Variants in LAMTOR2 observed in about 807,000 individuals in gnomAD.
LAMTOR2 encodes the protein ragulator complex protein LAMTOR2.
A neutral mutation model predicts 15.8 loss-of-function variants in LAMTOR2; 4 were observed. That is an observed-to-expected ratio of 0.25 (90% CI 0.12 to 0.58). LAMTOR2 has a LOEUF of 0.58. LAMTOR2 is among the 20% of genes least tolerant of loss of function. The pLI is 0.91. For synonymous variants in LAMTOR2, 62 were observed against 64.1 expected (o/e 0.97, Z 0.15); for missense variants, 100 against 161.0 (o/e 0.62, Z 2.05).
intron 2 of LAMTOR2, among the ~76,000 whole-genome samples, chr1:156,056,178 A>T (rs991461963): frequency 2.0e-5 from 3 of 151,948 alleles, no homozygotes; most frequent in Non-Finnish European, 2.9e-5. Flanking sequence ...TAATTTTTGC[A>T]TTTTTCCAGA....
In LAMTOR2 at chr1:156,058,455, G is replaced by A. The variant is rs1455689215; in HGVS notation, c.*84G>A. On this transcript the variant is annotated 3_prime_UTR_variant, in exon 4 of 4. Transcript: ENST00000368305. Reference sequence around the variant, plus strand: ...TCCTAGAAGAACCTTCTTAGACAATGGGGGGAGGATGGGACTTTGTTTTTT... The same window carrying A: ...TCCTAGAAGAACCTTCTTAGACAATAGGGGGAGGATGGGACTTTGTTTTTT... 2.1e-6 allele frequency: 3 copies of A among 1,425,002 alleles called. No individual in the cohort carries two copies. Among genetic ancestry groups the A allele is most frequent in the Non-Finnish European group, 3.0e-6 (3 of 1,010,416 alleles). The allele number at this position is 1,425,002 out of a possible 1,614,324, so 88.3% of individuals were successfully genotyped here.
chr1:156,058,046 C>T lies in LAMTOR2; in HGVS notation c.300C>T (p.Gly100=). 2 of 1,614,162 alleles carry T rather than the reference C, an allele frequency of 1.2e-6. No individual in the cohort carries two copies. The highest frequency in any genetic ancestry group is 1.7e-6 in the Non-Finnish European group (2 of 1,180,020). ...GTATGTATGCCAAGGAGACCGTGGG[C>T]TTTGGAATGCTCAAGGCCAAGGTGT... ...LLCMYAKETV[G]FGMLKAKAQA... The change falls in exon 3 of 4, where the codon GGC becomes GGT. Residue 100 remains glycine (G), a synonymous_variant. Transcript: ENST00000368305.
In LAMTOR2 at chr1:156,055,062, G is replaced by A; in HGVS notation, c.68+105G>A. 7.0e-7 allele frequency: 1 copy of A among 1,424,906 alleles called. No individual in the cohort carries two copies. The highest frequency in any genetic ancestry group is 1.2e-5 in the South Asian group (1 of 85,962). 88.3% of individuals were successfully genotyped at this position (1,424,906 alleles called of 1,614,324 possible). ...ATCACCAGGAAGGGAGGAAGCGGCA[G>A]AGGGGGCAGCGGCTGGGGATACCGG... On this transcript the variant is annotated intron_variant, in intron 1 of 3. Coordinates refer to ENST00000368305, the MANE Select transcript of LAMTOR2 (RefSeq NM_014017.4). This position sits in a 1 kb window ranked among gnomAD's most constrained non-coding sequence, Gnocchi z 4.8.
At position 156,055,517 on chromosome 1, in the gene LAMTOR2, G is replaced by A; in HGVS notation, c.231+92G>A. The A allele has an allele frequency of 7.0e-7, 1 of 1,429,432 alleles. No individual in the cohort carries two copies. Among genetic ancestry groups the A allele is most frequent in the Non-Finnish European group, 9.8e-7 (1 of 1,016,888 alleles). The allele number at this position is 1,429,432 out of a possible 1,614,324, so 88.5% of individuals were successfully genotyped here. A position where few individuals can be genotyped will look rare whatever the true frequency, so the allele number is the denominator to read the frequency against. On this transcript the variant is annotated intron_variant, in intron 2 of 3. Coordinates refer to ENST00000368305, the MANE Select transcript of LAMTOR2 (RefSeq NM_014017.4). This position sits in a 1 kb window ranked among gnomAD's most constrained non-coding sequence, Gnocchi z 4.8. ...CATCCTGGATGGTTGGAGGGGCAGG[G>A]ACAGGATCTCCGGAAGATTACTAAG...
intron 2 of LAMTOR2, among the ~76,000 whole-genome samples, chr1:156,057,285 G>T (rs1223844857): frequency 6.6e-6 from 1 of 151,830 alleles, no homozygotes; most frequent in Non-Finnish European, 1.5e-5. Context: ...CTGAGGCCAG[G>T]AGTTCAAGAC....
chr1:156,056,623 G>T (rs1647379811), intron 2 of LAMTOR2, among the ~76,000 whole-genome samples: 1 of 152,172 alleles, frequency 6.6e-6, no homozygotes, highest in Non-Finnish European at 1.5e-5. Context: ...AGGTCAGAGA[G>T]GCAGGGAGTG....
rs1337097355 is a variant in LAMTOR2 at position 156,054,833 on chromosome 1, C to T, written c.-57C>T. The T allele has an allele frequency of 3.2e-6, 5 of 1,572,970 alleles. No homozygotes were observed. Among genetic ancestry groups the T allele is most frequent in the East Asian group, 2.3e-5 (1 of 43,952 alleles). On this transcript the variant is annotated 5_prime_UTR_variant, in exon 1 of 4. Transcript: ENST00000368305. ...ACTACGGGAAGCAGCGGGCAGCGGC[C>T]CGCGGGAGGCACCTCGGAGATCTGG... is the stretch of plus-strand genomic sequence containing the variant.
intron 2 of LAMTOR2, 96 bp from the exon 3 acceptor site, chr1:156,057,882 A>G: frequency 8.7e-7 from 1 of 1,144,428 alleles, no homozygotes; most frequent in Non-Finnish European, 1.3e-6. Context: ...CATGGGAGGA[A>G]GATATAGTCT....
chr1:156,055,089 C>G lies in LAMTOR2; in HGVS notation c.68+132C>G. The G allele has an allele frequency of 7.4e-7, 1 of 1,349,340 alleles. No individual in the cohort carries two copies. The highest frequency in any genetic ancestry group is 1.1e-6 in the Non-Finnish European group (1 of 946,962). 83.6% of individuals were successfully genotyped at this position (1,349,340 alleles called of 1,614,324 possible). A position where few individuals can be genotyped will look rare whatever the true frequency, so the allele number is the denominator to read the frequency against. ...GGGGGCAGCGGCTGGGGATACCGGC[C>G]GGGAGGTCCCCTGTCGAAAAGGGAA... On this transcript the variant is annotated intron_variant, in intron 1 of 3. Transcript: ENST00000368305. This position sits in a 1 kb window ranked among gnomAD's most constrained non-coding sequence, Gnocchi z 4.8.
intron 2 of LAMTOR2, among the ~76,000 whole-genome samples, chr1:156,056,857 C>T (rs1647386651): frequency 6.6e-6 from 1 of 152,072 alleles, no homozygotes; most frequent in Admixed American, 6.6e-5. Flanking sequence ...AGCTTTCAAA[C>T]GTTTTGACCA....
chr1:156,058,191 C>T (rs1367640123), intron 3 of LAMTOR2, 124 bp downstream of exon 3: 4 of 1,503,898 alleles, frequency 2.7e-6, no homozygotes, highest in Non-Finnish European at 3.7e-6. Context: ...CTGGTGTGGG[C>T]CAGCTCCCAA....
intron 2 of LAMTOR2, 69 bp from the exon 3 acceptor site, chr1:156,057,909 G>C: frequency 7.1e-7 from 1 of 1,416,118 alleles, no homozygotes; most frequent in Non-Finnish European, 1.0e-6. Context: ...GGCCAGAGAA[G>C]CCTTTGGGGA....
In LAMTOR2 at chr1:156,058,082, A is replaced by C. The variant is rs770837182; in HGVS notation, c.321+15A>C. On this transcript the variant is annotated intron_variant, in intron 3 of 3. Transcript: ENST00000368305. ...TCAAGGCCAAGGTGTGTATGTGCCC[A>C]TCCCTCCATAGCCCTGGGCCCAGCC... 14 of 1,612,440 alleles carry C rather than the reference A, an allele frequency of 8.7e-6. No homozygotes were observed. The highest frequency in any genetic ancestry group is 1.2e-5 in the Non-Finnish European group (14 of 1,178,476).
chr1:156,055,135 G>C lies in LAMTOR2; in HGVS notation c.69-128G>C, dbSNP rs1258331752. ...GGGAAGCCGGTGTGCTGGGTGCTTAGGGCATGTTCCGGGACACGCTCAGGC... is the reference window on the plus strand; with the variant it reads ...GGGAAGCCGGTGTGCTGGGTGCTTACGGCATGTTCCGGGACACGCTCAGGC... On this transcript the variant is annotated intron_variant, in intron 1 of 3. Transcript: ENST00000368305. The surrounding 1 kb of genome is among the most constrained non-coding windows in gnomAD (Gnocchi z 4.8). 2 of 1,431,776 alleles carry C rather than the reference G, an allele frequency of 1.4e-6. No individual in the cohort carries two copies. Among genetic ancestry groups the C allele is most frequent in the Non-Finnish European group, 2.0e-6 (2 of 1,024,488 alleles). 88.7% of individuals were successfully genotyped at this position (1,431,776 alleles called of 1,614,324 possible). A position where few individuals can be genotyped will look rare whatever the true frequency, so the allele number is the denominator to read the frequency against.
At position 156,055,032 on chromosome 1, in the gene LAMTOR2, G is replaced by A. The variant is rs1647288233; in HGVS notation, c.68+75G>A. The stretch of plus-strand genomic sequence containing the variant: ...CGCGGCTCCCTGAGGGAGGGGTGGG[G>A]AAGGATCACCAGGAAGGGAGGAAGC... On this transcript the variant is annotated intron_variant, in intron 1 of 3. Transcript: ENST00000368305. The surrounding 1 kb of genome is among the most constrained non-coding windows in gnomAD (Gnocchi z 4.8). 1.3e-6 allele frequency: 2 copies of A among 1,513,296 alleles called. No homozygotes were observed. The highest frequency in any genetic ancestry group is 1.8e-6 in the Non-Finnish European group (2 of 1,098,798). 93.7% of individuals were successfully genotyped at this position (1,513,296 alleles called of 1,614,324 possible).
chr1:156,055,025 G>T lies in LAMTOR2; in HGVS notation c.68+68G>T. 1 of 1,527,008 alleles carries T rather than the reference G, an allele frequency of 6.5e-7. No homozygotes were observed. Among genetic ancestry groups the T allele is most frequent in the Non-Finnish European group, 9.0e-7 (1 of 1,111,118 alleles). The allele number at this position is 1,527,008 out of a possible 1,614,324, so 94.6% of individuals were successfully genotyped here. A position where few individuals can be genotyped will look rare whatever the true frequency, so the allele number is the denominator to read the frequency against. ...GGCGGCGCGCGGCTCCCTGAGGGAG[G>T]GGTGGGGAAGGATCACCAGGAAGGG... On this transcript the variant is annotated intron_variant, in intron 1 of 3. Transcript: ENST00000368305. This position sits in a 1 kb window ranked among gnomAD's most constrained non-coding sequence, Gnocchi z 4.8.
In LAMTOR2 at chr1:156,058,264, G is replaced by T. The variant is rs184803967; in HGVS notation, c.322-51G>T. On this transcript the variant is annotated intron_variant, in intron 3 of 3. Transcript: ENST00000368305. ...CACTGGGAGCAGACCTGGATTTGGG[G>T]TCCCTAATGCCAGGCTGTGTGCGGG... 137 of 1,612,036 alleles carry T rather than the reference G, an allele frequency of 8.5e-5. 1 individual carries two copies. The East Asian group carries it at 2.6e-3, about 31-fold the overall frequency.
chr1:156,055,756 T>C lies in LAMTOR2; in HGVS notation c.231+331T>C. On this transcript the variant is annotated intron_variant, in intron 2 of 3. Transcript: ENST00000368305. This position sits in a 1 kb window ranked among gnomAD's most constrained non-coding sequence, Gnocchi z 4.8. ...AATTTCCCTCTCCCCGCTCCCCTCA[T>C]GGGTTGTTGTGAAGGTCAGATGAAA... 2.6e-6 allele frequency: 1 copy of C among 380,186 alleles called. No homozygotes were observed. The highest frequency in any genetic ancestry group is 5.0e-6 in the Non-Finnish European group (1 of 198,882). 23.6% of individuals were successfully genotyped at this position (380,186 alleles called of 1,614,324 possible).
At position 156,054,885 on chromosome 1, in the gene LAMTOR2, T is replaced by C; in HGVS notation, c.-5T>C. On this transcript the variant is annotated 5_prime_UTR_variant, in exon 1 of 4. Coordinates refer to ENST00000368305, the MANE Select transcript of LAMTOR2 (RefSeq NM_014017.4). The stretch of plus-strand genomic sequence containing the variant: ...TGCAAAAGCCCAGGGTTAGGAACCG[T>C]AGGCATGCTGCGCCCCAAGGCTTTG... 1 of 1,612,832 alleles carries C rather than the reference T, an allele frequency of 6.2e-7. No individual in the cohort carries two copies. Among genetic ancestry groups the C allele is most frequent in the South Asian group, 1.1e-5 (1 of 91,000 alleles).
Sources: gnomAD v4.1 joint callset for allele counts (sites outside exome capture counted in the v4.1 genomes callset) on GRCh38, gnomAD v4.1.1 for gene constraint, Gnocchi (gnomAD v3.1) non-coding constraint, MANE v1.5 for transcripts, NCBI Gene and HGNC (gene_info 2026-07-23, HGNC 2026-07-21) for gene names.